Variants in TSHZ3 observed in about 807,000 individuals in gnomAD.
TSHZ3 encodes the protein teashirt homolog 3.
TSHZ3 carries 10 observed loss-of-function variants against 64.5 expected under a neutral mutation model. The observed-to-expected ratio is 0.16, with a 90% CI of 0.10 to 0.26. The LOEUF (loss-of-function observed/expected upper bound fraction) is 0.26. Among genes scored for constraint, TSHZ3 ranks in the 10% least tolerant of loss-of-function variants. The probability of loss-of-function intolerance (pLI) is 1.00; values close to 1 mark genes in which losing one functional copy is unlikely to be tolerated. For synonymous variants in TSHZ3, 608 were observed against 593.1 expected (o/e 1.03, Z -0.36); for missense variants, 1,242 against 1,421.7 (o/e 0.87, Z 2.03).
chr19:31,189,879 A>T (rs764829758), intron 5 of TSHZ3, among the ~76,000 whole-genome samples: 3 of 152,250 alleles, frequency 2.0e-5, no homozygotes, highest in Non-Finnish European at 4.4e-5. Flanking sequence ...TTGTGTTTGG[A>T]AACGTTGTTG....
intron 1 of TSHZ3, among the ~76,000 whole-genome samples, chr19:31,335,651 G>C (rs188494032): frequency 3.4e-4 from 52 of 152,336 alleles, no homozygotes; most frequent in Non-Finnish European, 1.5e-5. Context: ...GTCACCTGAA[G>C]TCGAAGCCAC....
chr19:31,266,755 A>G (rs1395637268), intron 1 of TSHZ3, among the ~76,000 whole-genome samples: 1 of 152,204 alleles, frequency 6.6e-6, no homozygotes, highest in Admixed American at 6.5e-5. Flanking sequence ...TAATGGTGAT[A>G]TTTTGCTTTG....
intron 6 of TSHZ3, among the ~76,000 whole-genome samples, chr19:31,155,665 T>C (rs1568331940): frequency 6.6e-6 from 1 of 152,190 alleles, no homozygotes; most frequent in East Asian, 1.9e-4. Flanking sequence ...CTGCTTACCG[T>C]AGGACTTTAG....
intron 5 of TSHZ3, among the ~76,000 whole-genome samples, chr19:31,184,740 C>T (rs1167839262): frequency 6.6e-6 from 1 of 152,152 alleles, no homozygotes; most frequent in Non-Finnish European, 1.5e-5. Flanking sequence ...ATATTGAAGT[C>T]AGAGCTGATG....
intron 1 of TSHZ3, among the ~76,000 whole-genome samples, chr19:31,321,577 C>T (rs896728525): frequency 6.6e-6 from 1 of 152,178 alleles, no homozygotes; most frequent in Non-Finnish European, 1.5e-5. Flanking sequence ...ACGCAAGGGG[C>T]CTGGCCACAA....
rs765055013 is a variant in TSHZ3 at position 31,279,090 on chromosome 19, C to G, written c.703G>C (p.Glu235Gln). ...TTGTCGTCGCGGTAATGCCCCGTCTCGTTCATGTGCACCGTCAACTCCACC... is the reference window on the plus strand; with the variant it reads ...TTGTCGTCGCGGTAATGCCCCGTCTGGTTCATGTGCACCGTCAACTCCACC... ...TLVELTVHMN[E>Q]TGHYRDDNHE... The change falls in exon 2 of 2, where the codon GAG (glutamate) becomes CAG (glutamine). Residue 235 changes from glutamate to glutamine, a missense_variant. Glu to Gln is a conservative substitution (Grantham distance 29). Coordinates refer to ENST00000240587, the MANE Select transcript of TSHZ3 (RefSeq NM_020856.4). The surrounding 1 kb of genome is among the most constrained non-coding windows in gnomAD (Gnocchi z 6.4). The G allele has an allele frequency of 5.6e-6, 9 of 1,614,014 alleles. No individual in the cohort carries two copies. The East Asian group carries it at 1.3e-4, about 24-fold the overall frequency.
chr19:31,173,259 T>C (rs895885088), intron 5 of TSHZ3, among the ~76,000 whole-genome samples: 1 of 152,132 alleles, frequency 6.6e-6, no homozygotes, highest in African/African-American at 2.4e-5. Context: ...ACAGATTAGA[T>C]GTGGGGTCTG....
At chr19:31,321,272 G>A (rs1165740499) in intron 1 of TSHZ3, among the ~76,000 whole-genome samples, 1 of 152,202 alleles carries the variant, frequency 6.6e-6, no homozygotes, top group African/African-American at 2.4e-5. Context: ...AGAAGGCCAT[G>A]GCTCTCACTT....
intron 4 of TSHZ3, among the ~76,000 whole-genome samples, chr19:31,224,926 C>G (rs1381606908): frequency 6.6e-6 from 1 of 152,154 alleles, no homozygotes; most frequent in Non-Finnish European, 1.5e-5. Context: ...GATGAACACA[C>G]AAAGGCTTCA....
intron 1 of TSHZ3, among the ~76,000 whole-genome samples, chr19:31,321,103 G>T (rs868729452): frequency 6.6e-6 from 1 of 152,228 alleles, no homozygotes; most frequent in Non-Finnish European, 1.5e-5. Context: ...TCCTGTTGAA[G>T]GATGGCAGTG....
In TSHZ3 at chr19:31,295,536, A is replaced by G. The variant is rs371010425; in HGVS notation, c.41-15784T>C. On this transcript the variant is annotated intron_variant, in intron 1 of 1. Coordinates refer to ENST00000240587, the MANE Select transcript of TSHZ3 (RefSeq NM_020856.4). The stretch of plus-strand genomic sequence containing the variant: ...ATCACAGCAACAAAATATTTTATGA[A>G]TTCATTTATGTAAATTTCAAAATCA... Among the ~76,000 whole-genome samples, 18 of 152,294 alleles carry G rather than the reference A, an allele frequency of 1.2e-4. No homozygotes were observed. The East Asian group carries it at 1.5e-3, about 13-fold the overall frequency.
downstream of TSHZ3, among the ~76,000 whole-genome samples, chr19:31,272,793 G>A (rs1599616177): frequency 6.6e-6 from 1 of 152,164 alleles, no homozygotes; most frequent in South Asian, 2.1e-4. Context: ...TACATGTGAT[G>A]GTCGGAAGAT....
At chr19:31,153,580 C>G (rs1974267193) in intron 6 of TSHZ3, among the ~76,000 whole-genome samples, 1 of 152,186 alleles carries the variant, frequency 6.6e-6, no homozygotes, top group African/African-American at 2.4e-5. Context: ...TAGTTGCTAT[C>G]ACTTGACTTC....
rs968694732 is a variant in TSHZ3 at position 31,344,781 on chromosome 19, T to G, written c.40+4399A>C. On this transcript the variant is annotated intron_variant, in intron 1 of 1. Coordinates refer to ENST00000240587, the MANE Select transcript of TSHZ3 (RefSeq NM_020856.4). ...TTAATTCTCTCAACTCACCTGGGTT[T>G]CACGGTATTTCCCACAGCCCTGAGC... Among the ~76,000 whole-genome samples, 3 of 152,238 alleles carry G rather than the reference T, an allele frequency of 2.0e-5. No homozygotes were observed. The South Asian group carries it at 6.2e-4, about 32-fold the overall frequency.
chr19:31,247,483 C>T (rs191916298), intron 1 of TSHZ3, among the ~76,000 whole-genome samples: 19 of 151,186 alleles, frequency 1.3e-4, no homozygotes, highest in Admixed American at 3.9e-4. Context: ...AAATTGAGGA[C>T]GATCCACACA....
chr19:31,305,135 G>A (rs774860576), intron 1 of TSHZ3, among the ~76,000 whole-genome samples: 7 of 151,908 alleles, frequency 4.6e-5, no homozygotes, highest in Non-Finnish European at 8.8e-5. Context: ...AAAAAAATAC[G>A]GCAGCTTCCT....
chr19:31,176,691 G>A (rs1329149445), intron 5 of TSHZ3, among the ~76,000 whole-genome samples: 4 of 152,164 alleles, frequency 2.6e-5, no homozygotes, highest in Non-Finnish European at 5.9e-5. Context: ...TAGGGAGGCT[G>A]AGGTGGGAGG....
intron 1 of TSHZ3, among the ~76,000 whole-genome samples, chr19:31,335,824 C>A (rs530310275): frequency 6.6e-6 from 1 of 152,158 alleles, no homozygotes; most frequent in African/African-American, 2.4e-5. Context: ...GCTGTGTCAC[C>A]CCCGTGGGCT....
intron 1 of TSHZ3, among the ~76,000 whole-genome samples, chr19:31,246,472 C>G (rs1975758979): frequency 6.6e-6 from 1 of 152,104 alleles, no homozygotes; most frequent in Admixed American, 6.5e-5. Context: ...ATACTATAGT[C>G]ATTCAAAGCC....
Sources: gnomAD v4.1 joint callset for allele counts (sites outside exome capture counted in the v4.1 genomes callset) on GRCh38, gnomAD v4.1.1 for gene constraint, Gnocchi (gnomAD v3.1) non-coding constraint, MANE v1.5 for transcripts, NCBI Gene and HGNC (gene_info 2026-07-23, HGNC 2026-07-21) for gene names.